KCNMB2: variants seen among roughly 807,000 people sequenced by gnomAD.
KCNMB2 encodes the protein calcium-activated potassium channel subunit beta-2.
In KCNMB2, 9 loss-of-function variants were observed where a neutral mutation model predicts 24.5. That is an observed-to-expected ratio of 0.37 (90% CI 0.22 to 0.64). The LOEUF (loss-of-function observed/expected upper bound fraction) is 0.64, where lower values mean the gene tolerates loss of function less well. Ranked by LOEUF, KCNMB2 falls within the 30% of genes least tolerant of loss-of-function variation. The pLI is 0.63. For missense variants in KCNMB2, 226 were observed against 284.3 expected (o/e 0.79, Z 1.47); for synonymous variants, 109 against 104.4 (o/e 1.04, Z -0.27).
chr3:178,611,250 G>T (rs766683700), intron 1 of KCNMB2, among the ~76,000 whole-genome samples: 1 of 152,042 alleles, frequency 6.6e-6, no homozygotes, highest in Non-Finnish European at 1.5e-5. Flanking sequence ...TTCAGTTTAC[G>T]GGCATATAGT....
intron 1 of KCNMB2, among the ~76,000 whole-genome samples, chr3:178,758,102 A>G (rs563859530): frequency 4.1e-4 from 43 of 104,386 alleles, no homozygotes; most frequent in East Asian, 6.3e-4. Flanking sequence ...ATATATATAT[A>G]TACACACAAG....
chr3:178,648,481 G>T (rs567340281), intron 1 of KCNMB2, among the ~76,000 whole-genome samples: 1 of 152,300 alleles, frequency 6.6e-6, no homozygotes, highest in African/African-American at 2.4e-5. Context: ...AAGGCAGCAC[G>T]CTGTGAGCTA....
chr3:178,588,293 C>A (rs17591283), intron 1 of KCNMB2, among the ~76,000 whole-genome samples: 9,346 of 152,110 alleles, frequency 0.061, 402 homozygotes, highest in Non-Finnish European at 0.096. Context: ...GTCACCATTA[C>A]CTGAGGTGGA....
intron 1 of KCNMB2, among the ~76,000 whole-genome samples, chr3:178,597,565 G>T (rs1028490445): frequency 6.6e-6 from 1 of 152,150 alleles, no homozygotes; most frequent in African/African-American, 2.4e-5. Context: ...AAATTGGCAT[G>T]CAAAGCATGA....
chr3:178,549,570 G>A (rs1297939019), intron 1 of KCNMB2, among the ~76,000 whole-genome samples: 7 of 145,190 alleles, frequency 4.8e-5, no homozygotes, highest in East Asian at 2.1e-4. Flanking sequence ...CAGGTGATCC[G>A]CCTGCCTCAG....
At chr3:178,595,936 C>A (rs776222513) in intron 1 of KCNMB2, among the ~76,000 whole-genome samples, 1 of 152,016 alleles carries the variant, frequency 6.6e-6, no homozygotes, top group African/African-American at 2.4e-5. Flanking sequence ...GTGTGTGGAT[C>A]TGGGTTTAAT....
chr3:178,811,340 T>C (rs765709577), intron 2 of KCNMB2, among the ~76,000 whole-genome samples: 3 of 152,296 alleles, frequency 2.0e-5, no homozygotes, highest in South Asian at 2.1e-4. Context: ...TCAATCAATA[T>C]CAATCAATAT....
chr3:178,690,501 G>T (rs1201626228), intron 1 of KCNMB2, among the ~76,000 whole-genome samples: 1 of 151,734 alleles, frequency 6.6e-6, no homozygotes, highest in Admixed American at 6.6e-5. Flanking sequence ...AAGAGGAGAG[G>T]GATAAGAGGA....
At chr3:178,742,510 T>C (rs1723527417) in intron 1 of KCNMB2, among the ~76,000 whole-genome samples, 1 of 152,226 alleles carries the variant, frequency 6.6e-6, no homozygotes, top group South Asian at 2.1e-4. Flanking sequence ...GAGGCAAAAC[T>C]AAAGCCAAAG....
At chr3:178,814,177 T>C (rs1714312682) in intron 2 of KCNMB2, among the ~76,000 whole-genome samples, 1 of 152,158 alleles carries the variant, frequency 6.6e-6, no homozygotes, top group Non-Finnish European at 1.5e-5. Flanking sequence ...GAGTCCCCAG[T>C]GTCTATTGTT....
chr3:178,701,636 A>T (rs923421007), intron 1 of KCNMB2, among the ~76,000 whole-genome samples: 1 of 152,208 alleles, frequency 6.6e-6, no homozygotes, highest in Admixed American at 6.5e-5. Context: ...TCAAAAGAAG[A>T]CATTTATGCA....
At chr3:178,634,375 C>T (rs1380807326) in intron 1 of KCNMB2, among the ~76,000 whole-genome samples, 1 of 152,130 alleles carries the variant, frequency 6.6e-6, no homozygotes, top group Non-Finnish European at 1.5e-5. Flanking sequence ...ACTCACAGTT[C>T]AGCATGACCA....
intron 1 of KCNMB2, among the ~76,000 whole-genome samples, chr3:178,715,365 G>GT (rs768377401): frequency 0.063 from 8,289 of 132,248 alleles, 562 homozygotes; most frequent in African/African-American, 0.18. Flanking sequence ...TTGTTTTTTG[G>GT]TTTTTTTTTT....
chr3:178,770,034 G>C (rs922354558), intron 1 of KCNMB2, among the ~76,000 whole-genome samples: 6 of 152,162 alleles, frequency 3.9e-5, no homozygotes, highest in Admixed American at 6.5e-5. Context: ...AATACCAATA[G>C]GATGATAGAA....
intron 1 of KCNMB2, among the ~76,000 whole-genome samples, chr3:178,628,141 A>G (rs1326707442): frequency 6.6e-6 from 1 of 152,180 alleles, no homozygotes; most frequent in Non-Finnish European, 1.5e-5. Flanking sequence ...TCTTAGAGCT[A>G]GATTATTTTG....
At chr3:178,664,137 A>G (rs994896150) in intron 1 of KCNMB2, among the ~76,000 whole-genome samples, 14 of 152,144 alleles carry the variant, frequency 9.2e-5, no homozygotes, top group African/African-American at 3.4e-4. Flanking sequence ...GCTCATCCTC[A>G]TTCAGAGAAG....
intron 1 of KCNMB2, among the ~76,000 whole-genome samples, chr3:178,631,943 G>A (rs1035133595): frequency 1.3e-5 from 2 of 152,154 alleles, no homozygotes; most frequent in Non-Finnish European, 2.9e-5. Context: ...AGCCTTACTA[G>A]AAAATATTTT....
At chr3:178,546,240 C>A (rs576135078) in intron 1 of KCNMB2, among the ~76,000 whole-genome samples, 2 of 152,164 alleles carry the variant, frequency 1.3e-5, no homozygotes, top group Non-Finnish European at 2.9e-5. Flanking sequence ...ATCTGCTTCT[C>A]AGTCTTCTAG....
Position 178,828,340 on chromosome 3 carries a change from C to T in KCNMB2, c.390C>T (p.Tyr130=). 1.9e-6 allele frequency: 3 copies of T among 1,613,886 alleles called. No homozygotes were observed. Among genetic ancestry groups the T allele is most frequent in the Non-Finnish European group, 2.5e-6 (3 of 1,179,824 alleles). The change falls in exon 4 of 5, where the codon TAC becomes TAT. Residue 130 remains tyrosine, a synonymous_variant. Coordinates refer to ENST00000452583, the MANE Select transcript of KCNMB2 (RefSeq NM_181361.3). ...LTSSGEKLLL[Y]HTEETIKINQ... ...CTTCCGGGGAAAAGCTCCTCCTCTACCACACAGAAGAGACAATAAAAATCA... is the reference window on the plus strand; with the variant it reads ...CTTCCGGGGAAAAGCTCCTCCTCTATCACACAGAAGAGACAATAAAAATCA...
Sources: gnomAD v4.1 joint callset for allele counts (sites outside exome capture counted in the v4.1 genomes callset) on GRCh38, gnomAD v4.1.1 for gene constraint, MANE v1.5 for transcripts, NCBI Gene and HGNC (gene_info 2026-07-23, HGNC 2026-07-21) for gene names.